The following CCNF variants were observed in gnomAD, a reference collection of about 807,000 sequenced individuals.
CCNF encodes the protein cyclin-F.
A neutral mutation model predicts 85.4 loss-of-function variants in CCNF; 30 were observed. The ratio of observed to expected loss-of-function variants is 0.35; its 90% CI spans 0.26 to 0.48. CCNF has a LOEUF of 0.48. CCNF is among the 20% of genes least tolerant of loss of function. The pLI, the probability that CCNF is intolerant of heterozygous loss-of-function variation, is 0.99. For missense variants in CCNF, 919 were observed against 1,010.4 expected (o/e 0.91, Z 1.23); for synonymous variants, 439 against 425.1 (o/e 1.03, Z -0.40).
intron 10 of CCNF, among the ~76,000 whole-genome samples, chr16:2,447,490 A>G (rs1221992079): frequency 6.6e-6 from 1 of 152,054 alleles, no homozygotes; most frequent in African/African-American, 2.4e-5. Context: ...AGGCTGAGGC[A>G]GGAGAATTGC....
intron 12 of CCNF, 118 bp downstream of exon 12, chr16:2,449,580 G>A (rs918711021): frequency 2.0e-6 from 2 of 1,013,174 alleles, no homozygotes; most frequent in Non-Finnish European, 2.8e-6. Context: ...TGGGGGGTGA[G>A]ATACAGCACG....
In CCNF at chr16:2,456,733, G is replaced by C. The variant is rs2065430137; in HGVS notation, c.2074G>C (p.Glu692Gln). Reference sequence around the variant, plus strand: ...CAAACCCCTGGTCCGCACCAGCCGGGAGCCAGGGAAGGACGTCACGACCTC... The same window carrying C: ...CAAACCCCTGGTCCGCACCAGCCGGCAGCCAGGGAAGGACGTCACGACCTC... ...GPKPLVRTSREPGKDVTTSGY... is the reference protein window; with the variant it reads ...GPKPLVRTSRQPGKDVTTSGY... Residue 692 changes from glutamate (E) to glutamine (Q), a missense_variant, in exon 17 of 17, where the codon GAG becomes CAG. Glu to Gln is a conservative substitution (Grantham distance 29). Transcript: ENST00000397066. The surrounding 1 kb of genome is among the most constrained non-coding windows in gnomAD (Gnocchi z 4.5). The C allele has an allele frequency of 2.5e-6, 4 of 1,612,446 alleles. No homozygotes were observed. Among genetic ancestry groups the C allele is most frequent in the Non-Finnish European group, 3.4e-6 (4 of 1,179,142 alleles).
At chr16:2,449,496 C>G (rs1301233841) in intron 12 of CCNF, 34 bp downstream of exon 12, 12 of 1,579,460 alleles carry the variant, frequency 7.6e-6, no homozygotes, top group Non-Finnish European at 8.6e-6. Flanking sequence ...ATGCCTGTGT[C>G]GGGGAAGGTG....
rs758671258 is a variant in CCNF at position 2,456,355 on chromosome 16, G to C, written c.1886-190G>C. ...CAACTTGTCATCTCCACATTTGTTGGAGTCATGGCGGGCAGCTGTCCAACT... is the reference window on the plus strand; with the variant it reads ...CAACTTGTCATCTCCACATTTGTTGCAGTCATGGCGGGCAGCTGTCCAACT... On this transcript the variant is annotated intron_variant, in intron 16 of 16. Transcript: ENST00000397066. The surrounding 1 kb of genome is among the most constrained non-coding windows in gnomAD (Gnocchi z 4.5). The C allele has an allele frequency of 1.0e-5, 5 of 480,564 alleles. No individual in the cohort carries two copies. The highest frequency in any genetic ancestry group is 1.5e-5 in the Non-Finnish European group (4 of 274,736). The allele number at this position is 480,564 out of a possible 1,614,324, so 29.8% of individuals were successfully genotyped here.
rs950903966 is a variant in CCNF, at chr16:2,452,084, T to G, written c.1488-1126T>G. Among the ~76,000 whole-genome samples the G allele has an allele frequency of 6.6e-6, 1 of 152,246 alleles. No individual in the cohort carries two copies. Among genetic ancestry groups the G allele is most frequent in the Non-Finnish European group, 1.5e-5 (1 of 68,050 alleles). On this transcript the variant is annotated intron_variant, in intron 13 of 16. Coordinates refer to ENST00000397066, the MANE Select transcript of CCNF (RefSeq NM_001761.3). This position sits in a 1 kb window ranked among gnomAD's most constrained non-coding sequence, Gnocchi z 4.1. ...TGCAGTTTCCTCGTGCGCTCACAGC[T>G]TGGGGACTGGAGCTATCCGTGGCGG...
rs1457239063 is a variant in CCNF, at chr16:2,453,368, C to T, written c.1588-42C>T. ...GGTGCTGGGGTGTGGGCGGGCCTCA[C>T]CCTCGGGGCCTCTGCACCCCCTAAC... is the stretch of plus-strand genomic sequence containing the variant. On this transcript the variant is annotated intron_variant, in intron 14 of 16. Transcript: ENST00000397066. The surrounding 1 kb of genome is among the most constrained non-coding windows in gnomAD (Gnocchi z 5.6). The T allele has an allele frequency of 6.2e-7, 1 of 1,613,760 alleles. No individual in the cohort carries two copies. Among genetic ancestry groups the T allele is most frequent in the African/African-American group, 1.3e-5 (1 of 75,038 alleles).
At chr16:2,443,227 C>G (rs1449499886) in intron 8 of CCNF, among the ~76,000 whole-genome samples, 3 of 143,984 alleles carry the variant, frequency 2.1e-5, no homozygotes, top group African/African-American at 7.7e-5. Context: ...TAGCTGGTAA[C>G]TTCTGAAAAT....
In CCNF at chr16:2,457,085, T is replaced by C; in HGVS notation, c.*65T>C. 8.2e-7 allele frequency: 1 copy of C among 1,223,966 alleles called. No homozygotes were observed. The highest frequency in any genetic ancestry group is 1.5e-5 in the South Asian group (1 of 68,012). 75.8% of individuals were successfully genotyped at this position (1,223,966 alleles called of 1,614,324 possible). On this transcript the variant is annotated 3_prime_UTR_variant, in exon 17 of 17. Coordinates refer to ENST00000397066, the MANE Select transcript of CCNF (RefSeq NM_001761.3). The stretch of plus-strand genomic sequence containing the variant: ...GGGCTGGAGGCGAAGGGTGGGAGCA[T>C]AGCATAGGAACGCTGCATAGACCAT...
Position 2,448,913 on chromosome 16 carries a change from T to TA in CCNF, c.1154dup (p.Tyr385Ter). ...REAVWLTDNT[Y>*]KYEDLVRMMG... The stretch of plus-strand genomic sequence containing the variant: ...GGCCGTATGGCTCACGGACAACACT[T>TA]ACAAGTACGAGGACCTGGTGAGAAT... The change falls in exon 11 of 17, where the codon TAC (tyrosine) becomes TAAC (stop). Residue 385 changes from tyrosine to a stop codon, truncating the protein, a stop_gained and frameshift_variant. Coordinates refer to ENST00000397066, the MANE Select transcript of CCNF (RefSeq NM_001761.3). LOFTEE classifies it high-confidence loss of function. The TA allele has an allele frequency of 6.2e-7, 1 of 1,614,100 alleles. No individual in the cohort carries two copies. The highest frequency in any genetic ancestry group is 8.5e-7 in the Non-Finnish European group (1 of 1,179,942).
At position 2,430,240 on chromosome 16, in the gene CCNF, G is replaced by A. The variant is rs531201702; in HGVS notation, c.16+743G>A. Among the ~76,000 whole-genome samples, 4 of 152,260 alleles carry A rather than the reference G, an allele frequency of 2.6e-5. No individual in the cohort carries two copies. In the South Asian group the frequency reaches 6.2e-4, roughly 24 times the overall value. On this transcript the variant is annotated intron_variant, in intron 1 of 16. Coordinates refer to ENST00000397066, the MANE Select transcript of CCNF (RefSeq NM_001761.3). The stretch of plus-strand genomic sequence containing the variant: ...TGGCGCTTCCTTTCAGGACTGGAAG[G>A]AAGGATGGATAGAAAGGTAGATTTG...
intron 11 of CCNF, 138 bp from the exon 12 acceptor site, chr16:2,449,144 G>A (rs1228455050): frequency 1.2e-5 from 17 of 1,416,468 alleles, no homozygotes; most frequent in Non-Finnish European, 1.7e-5. Context: ...GCACCACGTC[G>A]CCATCTGCGC....
At chr16:2,431,398 GC>G in intron 2 of CCNF, 114 bp downstream of exon 2, 1 of 1,139,640 alleles carries the variant, frequency 8.8e-7, no homozygotes, top group Non-Finnish European at 1.2e-6. Flanking sequence ...TGGGGCAGAG[GC>G]CAGGCACGGT....
At chr16:2,439,282 G>C in intron 6 of CCNF, 71 bp from the exon 7 acceptor site, 4 of 1,351,312 alleles carry the variant, frequency 3.0e-6, no homozygotes, top group Non-Finnish European at 4.1e-6. Context: ...TGGGCGACGA[G>C]TGAAACTGTC....
In CCNF at chr16:2,435,666, C is replaced by T. The variant is rs111520609; in HGVS notation, c.279-140C>T. 27 of 42,688 alleles carry T rather than the reference C, an allele frequency of 6.3e-4. 3 individuals carry two copies. The highest frequency in any genetic ancestry group is 1.9e-3 in the East Asian group (1 of 528). The allele number at this position is 42,688 out of a possible 1,614,324, so 2.6% of individuals were successfully genotyped here. A position where few individuals can be genotyped will look rare whatever the true frequency, so the allele number is the denominator to read the frequency against. ...ACACATATATATATGCACACACACA[C>T]ATATATATATATATATATATATATA... On this transcript the variant is annotated intron_variant, in intron 3 of 16. Transcript: ENST00000397066.
At chr16:2,439,974 C>A (rs1380585021) in intron 8 of CCNF, 148 bp downstream of exon 8, 5 of 683,300 alleles carry the variant, frequency 7.3e-6, no homozygotes, top group Non-Finnish European at 1.3e-5. Flanking sequence ...AAGATCGGTT[C>A]AGCACTGGAA....
chr16:2,435,862 A>C lies in CCNF; in HGVS notation c.335A>C (p.Tyr112Ser). ...GTGAAGCTGGGCATAGCCTACCTCT[A>C]CAATGAAGGCCGTAAGTCCTCACCC... ...AAVKLGIAYL[Y>S]NEGLSVSDEA... The change falls in exon 4 of 17, where the codon TAC becomes TCC. Residue 112 changes from tyrosine to serine, a missense_variant. By Grantham distance (144) the Tyr-to-Ser change is moderately radical. Transcript: ENST00000397066. 4 of 1,613,242 alleles carry C rather than the reference A, an allele frequency of 2.5e-6. No homozygotes were observed. The highest frequency in any genetic ancestry group is 3.4e-6 in the Non-Finnish European group (4 of 1,179,352).
At position 2,453,130 on chromosome 16, in the gene CCNF, C is replaced by T; in HGVS notation, c.1488-80C>T. 1 of 1,222,942 alleles carries T rather than the reference C, an allele frequency of 8.2e-7. No homozygotes were observed. The highest frequency in any genetic ancestry group is 1.2e-6 in the Non-Finnish European group (1 of 828,042). The allele number at this position is 1,222,942 out of a possible 1,614,324, so 75.8% of individuals were successfully genotyped here. On this transcript the variant is annotated intron_variant, in intron 13 of 16. Coordinates refer to ENST00000397066, the MANE Select transcript of CCNF (RefSeq NM_001761.3). The surrounding 1 kb of genome is among the most constrained non-coding windows in gnomAD (Gnocchi z 5.6). Reference sequence around the variant, plus strand: ...GAGTGACTGCACCATTTTGCATTCTCATTGCTCACTTCAGTGAACTGAAGC... The same window carrying T: ...GAGTGACTGCACCATTTTGCATTCTTATTGCTCACTTCAGTGAACTGAAGC...
intron 5 of CCNF, 161 bp from the exon 6 acceptor site, chr16:2,437,903 TAAAAAA>T (rs34068510): frequency 1.7e-4 from 70 of 410,470 alleles, no homozygotes; most frequent in South Asian, 1.3e-3. Flanking sequence ...TGTTTCCCTT[TAAAAAA>T]AAAAAAAAAA....
At position 2,441,953 on chromosome 16, in the gene CCNF, A is replaced by T. The variant is rs528531463; in HGVS notation, c.778-1696A>T. On this transcript the variant is annotated intron_variant, in intron 8 of 16. Transcript: ENST00000397066. ...ATTAGCAAATTATATATATATATAT[A>T]TATATATATATATATATATATATAT... 3.1e-5 allele frequency among the ~76,000 whole-genome samples: 3 copies of T among 97,830 alleles called. No homozygotes were observed. The East Asian group carries it at 8.0e-4, about 26-fold the overall frequency. The allele number at this position is 97,830 out of a possible 152,430, so 64.2% of individuals were successfully genotyped here. A position where few individuals can be genotyped will look rare whatever the true frequency, so the allele number is the denominator to read the frequency against.
Sources: allele counts gnomAD v4.1 joint callset (sites outside exome capture counted in the v4.1 genomes callset), GRCh38; gene constraint gnomAD v4.1.1; non-coding constraint Gnocchi (gnomAD v3.1); transcripts MANE v1.5; gene names NCBI Gene and HGNC (gene_info 2026-07-23, HGNC 2026-07-21).